USP26: variants seen among roughly 807,000 people sequenced by gnomAD.
USP26 encodes the protein ubiquitin specific peptidase 26.
For synonymous variants in USP26, 236 were observed against 240.6 expected (o/e 0.98, Z 0.18); for missense variants, 649 against 642.3 (o/e 1.01, Z -0.11).
intron 5 of USP26, among the ~76,000 whole-genome samples, chrX:133,076,275 A>G (rs934168546): frequency 8.1e-5 from 9 of 111,473 alleles, no homozygotes; most frequent in Non-Finnish European, 1.1e-4. Flanking sequence ...TTATGATGCT[A>G]TGAAATTTCC....
At chrX:133,096,279 C>G (rs2067630220) in intron 1 of USP26, among the ~76,000 whole-genome samples, 1 of 109,044 alleles carries the variant, frequency 9.2e-6, no homozygotes, top group Admixed American at 1.0e-4. Context: ...ATGAGAAGCA[C>G]TCTTCGTGGA....
intron 5 of USP26, among the ~76,000 whole-genome samples, chrX:133,049,792 G>A (rs149930687): frequency 0.044 from 4,920 of 111,743 alleles, 119 homozygotes; most frequent in Middle Eastern, 0.074. Flanking sequence ...AGGTATGAGA[G>A]GATGATGTTT....
At chrX:133,069,594 A>G (rs1368664883) in intron 5 of USP26, among the ~76,000 whole-genome samples, 2 of 111,649 alleles carry the variant, frequency 1.8e-5, no homozygotes, top group East Asian at 5.6e-4. Context: ...GGACTGGTCC[A>G]GGAGACACAA....
At chrX:133,040,383 C>T (rs1214674844) in intron 5 of USP26, among the ~76,000 whole-genome samples, 1 of 111,304 alleles carries the variant, frequency 9.0e-6, no homozygotes, top group Non-Finnish European at 1.9e-5. Flanking sequence ...TAATGCAGGC[C>T]TGGTGGTGAC....
At chrX:133,035,730 T>C (rs981591621) in intron 5 of USP26, among the ~76,000 whole-genome samples, 1 of 112,031 alleles carries the variant, frequency 8.9e-6, no homozygotes, top group African/African-American at 3.3e-5. Flanking sequence ...CATCCAAATC[T>C]TACAGACCTT....
In USP26 at chrX:133,026,483, T is replaced by C; in HGVS notation, c.1738A>G (p.Thr580Ala). 1 of 1,208,710 alleles carries C rather than the reference T, an allele frequency of 8.3e-7. No homozygotes were observed. Among genetic ancestry groups the C allele is most frequent in the East Asian group, 3.0e-5 (1 of 33,716 alleles). Residue 580 changes from threonine to alanine, a missense_variant, in exon 6 of 6, where the codon ACT (threonine) becomes GCT (alanine). Thr to Ala is a moderately conservative substitution (Grantham distance 58). Coordinates refer to ENST00000511190, the MANE Select transcript of USP26 (RefSeq NM_031907.3). ...CATGATACACTGATGTTTCCAGAAG[T>C]CATCTTTCGAATAACTTTTAATAAT... ...FQLLKVIRKM[T>A]SGNISVSWPA...
At chrX:133,082,077 G>A (rs1161800483) in intron 5 of USP26, among the ~76,000 whole-genome samples, 1 of 111,694 alleles carries the variant, frequency 9.0e-6, no homozygotes, top group African/African-American at 3.3e-5. Context: ...GTCCAGTTGG[G>A]GAGATGTTGA....
intron 5 of USP26, among the ~76,000 whole-genome samples, chrX:133,053,307 G>A (rs1450379834): frequency 9.0e-6 from 1 of 111,551 alleles, no homozygotes; most frequent in African/African-American, 3.3e-5. Flanking sequence ...GGAGGCCAAG[G>A]CGGGTGGATT....
At position 133,027,277 on chromosome X, in the gene USP26, G is replaced by C; in HGVS notation, c.944C>G (p.Ser315Ter). 8.3e-7 allele frequency: 1 copy of C among 1,211,535 alleles called. No individual in the cohort carries two copies. The highest frequency in any genetic ancestry group is 1.1e-6 in the Non-Finnish European group (1 of 895,278). ...TAAATCATCAGCAAACGATGGGATT[G>C]AAAGTAGAGACTGTAACACTGCATT... is the stretch of plus-strand genomic sequence containing the variant. ...YMNAVLQSLLSIPSFADDLLN... is the reference protein window; with the variant it reads ...YMNAVLQSLL Residue 315 changes from serine (S) to a stop codon, truncating the protein, a stop_gained, in exon 6 of 6, where the codon TCA becomes TGA. Transcript: ENST00000511190. LOFTEE classifies it low-confidence loss of function (END_TRUNC).
chrX:133,061,974 G>A (rs923770448), intron 5 of USP26, among the ~76,000 whole-genome samples: 7 of 111,264 alleles, frequency 6.3e-5, no homozygotes, highest in African/African-American at 2.0e-4. Flanking sequence ...CACTCAGCAG[G>A]TCCCACTCCC....
At chrX:133,061,310 C>G (rs887399162) in intron 5 of USP26, among the ~76,000 whole-genome samples, 2 of 112,560 alleles carry the variant, frequency 1.8e-5, no homozygotes, top group African/African-American at 6.5e-5. Flanking sequence ...ATTTGAGAGT[C>G]TTTCATGAAA....
chrX:133,068,067 A>T lies in USP26; in HGVS notation c.-77+15640T>A, dbSNP rs141730659. Among the ~76,000 whole-genome samples the T allele has an allele frequency of 6.9e-3, 781 of 112,434 alleles. 5 individuals carry two copies. Among genetic ancestry groups the T allele is most frequent in the African/African-American group, 0.024 (751 of 30,986 alleles). ...ACATATATACCATAGAATACTATGT[A>T]ACCATAAAAAAGAATGAAATGATGT... On this transcript the variant is annotated intron_variant, in intron 5 of 5. Coordinates refer to ENST00000511190, the MANE Select transcript of USP26 (RefSeq NM_031907.3).
Position 133,026,818 on chromosome X carries a change from A to C in USP26, c.1403T>G (p.Leu468Arg). 8.3e-7 allele frequency: 1 copy of C among 1,211,237 alleles called. No homozygotes were observed. The highest frequency in any genetic ancestry group is 1.1e-6 in the Non-Finnish European group (1 of 895,249). The change falls in exon 6 of 6, where the codon CTT becomes CGT. Residue 468 changes from leucine (L) to arginine (R), a missense_variant. By Grantham distance (102) the Leu-to-Arg change is moderately radical. Transcript: ENST00000511190. ...TELNNYLSINLPQRIKAHPSS... is the reference protein window; with the variant it reads ...TELNNYLSINRPQRIKAHPSS... ...AGGATGTGCTTTTATTCTTTGGGGA[A>C]GGTTGATGGAGAGGTAATTATTCAG...
chrX:133,084,516 T>C (rs1384664503), intron 4 of USP26, among the ~76,000 whole-genome samples: 5 of 101,458 alleles, frequency 4.9e-5, no homozygotes, highest in African/African-American at 7.2e-5. Flanking sequence ...GAACTTCTTT[T>C]TTTTTTTTTT....
chrX:133,088,153 G>C (rs2067595838), intron 4 of USP26, among the ~76,000 whole-genome samples: 2 of 111,284 alleles, frequency 1.8e-5, no homozygotes, highest in Non-Finnish European at 3.8e-5. Context: ...CTGGGTGACA[G>C]AGTGAGACCC....
intron 5 of USP26, among the ~76,000 whole-genome samples, chrX:133,041,970 T>A (rs1303565315): frequency 8.9e-6 from 1 of 112,404 alleles, no homozygotes; most frequent in Non-Finnish European, 1.9e-5. Flanking sequence ...CTGTGGTGAA[T>A]TCTGCCCAGT....
chrX:133,036,031 T>C (rs2067394663), intron 5 of USP26, among the ~76,000 whole-genome samples: 1 of 110,722 alleles, frequency 9.0e-6, no homozygotes, highest in African/African-American at 3.3e-5. Context: ...ACAGGAGGAT[T>C]GCTTGAACCC....
At chrX:133,033,316 G>A (rs897462643) in intron 5 of USP26, among the ~76,000 whole-genome samples, 7 of 111,939 alleles carry the variant, frequency 6.3e-5, no homozygotes, top group Non-Finnish European at 1.1e-4. Flanking sequence ...CTCAACAAAC[G>A]TCCGAGTCAT....
intron 5 of USP26, among the ~76,000 whole-genome samples, chrX:133,077,173 T>C (rs1201091540): frequency 8.9e-6 from 1 of 111,984 alleles, no homozygotes; most frequent in East Asian, 2.8e-4. Flanking sequence ...ATTTATTTTC[T>C]ACAACAGTGT....
Sources: allele counts gnomAD v4.1 joint callset (sites outside exome capture counted in the v4.1 genomes callset), GRCh38; gene constraint gnomAD v4.1.1; transcripts MANE v1.5; gene names NCBI Gene and HGNC (gene_info 2026-07-23, HGNC 2026-07-21).